Variants in ILK observed in about 807,000 individuals in gnomAD.
ILK encodes integrin linked kinase.
A neutral mutation model predicts 57.8 loss-of-function variants in ILK; 37 were observed. The ratio of observed to expected loss-of-function variants is 0.64; its 90% CI spans 0.49 to 0.84. The LOEUF (loss-of-function observed/expected upper bound fraction) is 0.84, where lower values mean the gene tolerates loss of function less well. ILK is among the 40% of genes least tolerant of loss of function. The pLI, the probability that ILK is intolerant of heterozygous loss-of-function variation, is 0.00. For missense variants in ILK, 528 were observed against 595.7 expected, an observed-to-expected ratio of 0.89 and a Z score of 1.18; for synonymous variants, 231 against 202.2, an observed-to-expected ratio of 1.14 and a Z score of -1.21.
chr11:6,606,076 G>A (rs1854875016), intron 2 of ILK, among the ~76,000 whole-genome samples: 1 of 152,220 alleles, frequency 6.6e-6, no homozygotes, highest in African/African-American at 2.4e-5. Flanking sequence ...CGGAGGCTGA[G>A]GCAGGAGAAC....
Position 6,608,532 on chromosome 11 carries a change from A to C in ILK, c.351+43A>C. ...AATTCCTGAGATGGGTAGGAAGTAA[A>C]GTCTGAGCCTTGGTGGGAGATTTTG... On this transcript the variant is annotated intron_variant, in intron 4 of 12. Coordinates refer to ENST00000299421, the MANE Select transcript of ILK (RefSeq NM_004517.4). The surrounding 1 kb of genome is among the most constrained non-coding windows in gnomAD (Gnocchi z 4.9). 1 of 1,532,564 alleles carries C rather than the reference A, an allele frequency of 6.5e-7. No individual in the cohort carries two copies. The highest frequency in any genetic ancestry group is 9.0e-7 in the Non-Finnish European group (1 of 1,105,696). The allele number at this position is 1,532,564 out of a possible 1,614,324, so 94.9% of individuals were successfully genotyped here. A position where few individuals can be genotyped will look rare whatever the true frequency, so the allele number is the denominator to read the frequency against.
chr11:6,606,703 G>A (rs1196775372), intron 2 of ILK: 1 of 152,274 alleles, frequency 6.6e-6, no homozygotes, highest in Non-Finnish European at 1.5e-5. Context: ...GATATGAAGA[G>A]GGGGTTAATT....
intron 2 of ILK, among the ~76,000 whole-genome samples, chr11:6,605,242 T>C (rs1854744988): frequency 6.6e-6 from 1 of 152,092 alleles, no homozygotes; most frequent in Non-Finnish European, 1.5e-5. Flanking sequence ...AGCATATAGA[T>C]AGCATATATA....
At position 6,608,234 on chromosome 11, in the gene ILK, T is replaced by C. The variant is rs769547928; in HGVS notation, c.255+23T>C. On this transcript the variant is annotated intron_variant, in intron 3 of 12. Transcript: ENST00000299421. This position sits in a 1 kb window ranked among gnomAD's most constrained non-coding sequence, Gnocchi z 4.9. ...AAGGTACGTACAAACTCCTTCGTCA[T>C]CCACATCACATACATGCCATGAGGG... The C allele has an allele frequency of 1.2e-6, 2 of 1,613,696 alleles. No individual in the cohort carries two copies. Among genetic ancestry groups the C allele is most frequent in the East Asian group, 4.5e-5 (2 of 44,886 alleles).
In ILK at chr11:6,609,326, G is replaced by C. The variant is rs142708585; in HGVS notation, c.646G>C (p.Asp216His). ...ELWKGRWQGN[D>H]IVVKVLKVRD... ...ATGGAAGGGCCGCTGGCAGGGCAAT[G>C]ACATTGTCGTGAAGGTGCTGAAGGT... The change falls in exon 8 of 13, where the codon GAC (aspartate) becomes CAC (histidine). Residue 216 changes from aspartate to histidine, a missense_variant. Asp to His is a moderately conservative substitution (Grantham distance 81). Transcript: ENST00000299421. The C allele has an allele frequency of 6.2e-7, 1 of 1,614,162 alleles. No individual in the cohort carries two copies. The highest frequency in any genetic ancestry group is 1.1e-5 in the South Asian group (1 of 91,072).
At position 6,610,010 on chromosome 11, in the gene ILK, T is replaced by C. The variant is rs771360848; in HGVS notation, c.1053T>C (p.Tyr351=). 1 of 1,614,188 alleles carries C rather than the reference T, an allele frequency of 6.2e-7. No homozygotes were observed. The highest frequency in any genetic ancestry group is 8.5e-7 in the Non-Finnish European group (1 of 1,180,032). ...CTTTCCAATGTCCTGGTCGCATGTA[T>C]GCACCTGCCTGGGTAGCCCCCGAAG... ...KFSFQCPGRM[Y]APAWVAPEAL... is the part of the protein sequence containing the mutation. The change falls in exon 11 of 13, where the codon TAT becomes TAC. Residue 351 remains tyrosine, a synonymous_variant. Transcript: ENST00000299421.
intron 2 of ILK, among the ~76,000 whole-genome samples, chr11:6,605,676 G>A (rs1343045162): frequency 6.6e-6 from 1 of 152,072 alleles, no homozygotes; most frequent in Non-Finnish European, 1.5e-5. Flanking sequence ...GCCCCACTCT[G>A]GTAGGCCCCA....
At position 6,610,462 on chromosome 11, in the gene ILK, G is replaced by C; in HGVS notation, c.1210G>C (p.Val404Leu). 6.2e-7 allele frequency: 1 copy of C among 1,614,194 alleles called. No homozygotes were observed. The highest frequency in any genetic ancestry group is 8.5e-7 in the Non-Finnish European group (1 of 1,180,032). The change falls in exon 13 of 13, where the codon GTG becomes CTG. Residue 404 changes from valine (V) to leucine (L), a missense_variant and splice_region_variant. Transcript: ENST00000299421. ...DLSNMEIGMK[V>L]ALEGLRPTIP... ...GCTGCTTTTTTTCTTGTATTCGCAG[G>C]TGGCATTGGAAGGCCTTCGGCCTAC...
rs777775673 is a variant in ILK, at chr11:6,604,235, T to G, written c.-37T>G. 1.3e-5 allele frequency: 21 copies of G among 1,575,072 alleles called. No homozygotes were observed. The highest frequency in any genetic ancestry group is 1.6e-5 in the Non-Finnish European group (18 of 1,152,578). On this transcript the variant is annotated 5_prime_UTR_variant, in exon 2 of 13. Coordinates refer to ENST00000299421, the MANE Select transcript of ILK (RefSeq NM_004517.4). ...CTGGATCACTCCACAGTCCTCAGGC[T>G]TCCCCAATCCAGGGGACTCGGCGCC...
At position 6,610,737 on chromosome 11, in the gene ILK, G is replaced by A. The variant is rs1448081505; in HGVS notation, c.*126G>A. 2 of 1,373,008 alleles carry A rather than the reference G, an allele frequency of 1.5e-6. No homozygotes were observed. The highest frequency in any genetic ancestry group is 2.1e-6 in the Non-Finnish European group (2 of 974,378). The allele number at this position is 1,373,008 out of a possible 1,614,324, so 85.1% of individuals were successfully genotyped here. A position where few individuals can be genotyped will look rare whatever the true frequency, so the allele number is the denominator to read the frequency against. On this transcript the variant is annotated 3_prime_UTR_variant, in exon 13 of 13. Transcript: ENST00000299421. ...GTCATGGTACTACCCCAGCCATGGG[G>A]TCCATCCCCTTCCCCCATCCCTACC...
chr11:6,605,995 G>A (rs1854867020), intron 2 of ILK, among the ~76,000 whole-genome samples: 1 of 152,166 alleles, frequency 6.6e-6, no homozygotes, highest in Non-Finnish European at 1.5e-5. Context: ...CCAACATGGT[G>A]AAACCCTGTC....
Position 6,610,279 on chromosome 11 carries a change from G to A in ILK, c.1209+1G>A. On this transcript the variant is annotated splice_donor_variant, in intron 12 of 12. Transcript: ENST00000299421. LOFTEE classifies it high-confidence loss of function. ...CTCCAATATGGAGATTGGAATGAAG[G>A]TGAGAGCACAACAGCATACATTTGT... 6.2e-7 allele frequency: 1 copy of A among 1,614,208 alleles called. No homozygotes were observed. The highest frequency in any genetic ancestry group is 1.1e-5 in the South Asian group (1 of 91,090).
chr11:6,608,801 C>G lies in ILK; in HGVS notation c.448+11C>G, dbSNP rs1855196418. 2 of 1,612,752 alleles carry G rather than the reference C, an allele frequency of 1.2e-6. No homozygotes were observed. The highest frequency in any genetic ancestry group is 1.7e-6 in the Non-Finnish European group (2 of 1,178,734). On this transcript the variant is annotated intron_variant, in intron 5 of 12. Coordinates refer to ENST00000299421, the MANE Select transcript of ILK (RefSeq NM_004517.4). This position sits in a 1 kb window ranked among gnomAD's most constrained non-coding sequence, Gnocchi z 4.9. ...GAGAGCTTCTCCGAGGTCCATCTCC[C>G]CATCCCCTAGCTTGTGTCCTCTCGT...
rs1226374130 is a variant in ILK, at chr11:6,608,794, C to T, written c.448+4C>T. The T allele has an allele frequency of 3.1e-6, 5 of 1,613,032 alleles. No homozygotes were observed. Among genetic ancestry groups the T allele is most frequent in the Non-Finnish European group, 4.2e-6 (5 of 1,179,000 alleles). On this transcript the variant is annotated splice_donor_region_variant and intron_variant, in intron 5 of 12. Transcript: ENST00000299421. This position sits in a 1 kb window ranked among gnomAD's most constrained non-coding sequence, Gnocchi z 4.9. ...CCCCTGAGAGAGCTTCTCCGAGGTC[C>T]ATCTCCCCATCCCCTAGCTTGTGTC...
intron 12 of ILK, 25 bp from the exon 13 acceptor site, chr11:6,610,437 G>T: frequency 6.2e-7 from 1 of 1,614,158 alleles, no homozygotes; most frequent in South Asian, 1.1e-5. Flanking sequence ...AAATTGTGAG[G>T]CTGCTTTTTT....
Position 6,609,990 on chromosome 11 carries a change from C to T in ILK, c.1033C>T (p.Gln345Ter), listed in dbSNP as rs1855335887. The change falls in exon 11 of 13, where the codon CAA becomes TAA. Residue 345 changes from glutamine to a stop codon, truncating the protein, a stop_gained. Coordinates refer to ENST00000299421, the MANE Select transcript of ILK (RefSeq NM_004517.4). LOFTEE classifies it high-confidence loss of function. Reference sequence around the variant, plus strand: ...CATGGCTGATGTCAAGTTCTCTTTCCAATGTCCTGGTCGCATGTATGCACC... The same window carrying T: ...CATGGCTGATGTCAAGTTCTCTTTCTAATGTCCTGGTCGCATGTATGCACC... ...ISMADVKFSF[Q>*]CPGRMYAPAW... The T allele has an allele frequency of 6.2e-7, 1 of 1,614,082 alleles. No individual in the cohort carries two copies. The highest frequency in any genetic ancestry group is 1.7e-5 in the Admixed American group (1 of 60,010).
At chr11:6,605,658 T>G (rs1456467867) in intron 2 of ILK, among the ~76,000 whole-genome samples, 1 of 152,094 alleles carries the variant, frequency 6.6e-6, no homozygotes, top group East Asian at 1.9e-4. Context: ...CCCTCCCTCT[T>G]CCTACCCGCC....
intron 1 of ILK, 138 bp downstream of exon 1, chr11:6,603,960 A>C (rs1333860058): frequency 3.5e-5 from 18 of 509,848 alleles, no homozygotes; most frequent in Middle Eastern, 1.1e-3. Flanking sequence ...CACTTCCCCC[A>C]ACTCTGTTCG....
At chr11:6,606,439 T>C (rs565317545) in intron 2 of ILK, 1 of 152,320 alleles carries the variant, frequency 6.6e-6, no homozygotes, top group East Asian at 1.9e-4. Flanking sequence ...TGCAAAGTCA[T>C]TTGTTCCATT....
Sources: allele counts gnomAD v4.1 joint callset (sites outside exome capture counted in the v4.1 genomes callset), GRCh38; gene constraint gnomAD v4.1.1; non-coding constraint Gnocchi (gnomAD v3.1); transcripts MANE v1.5; gene names NCBI Gene and HGNC (gene_info 2026-07-23, HGNC 2026-07-21).